The following COL24A1 variants were observed in gnomAD, a reference collection of about 807,000 sequenced individuals.
COL24A1 encodes collagen alpha-1(XXIV) chain.
Under a neutral mutation model 253.9 loss-of-function variants are expected in COL24A1, and 224 were observed. The observed-to-expected ratio is 0.88, with a 90% CI of 0.79 to 0.99. The LOEUF is 0.99. COL24A1 is among the 50% of genes least tolerant of loss of function. The probability of loss-of-function intolerance (pLI) is 0.00; values close to 1 mark genes in which losing one functional copy is unlikely to be tolerated. For synonymous variants in COL24A1, 685 were observed against 673.7 expected (o/e 1.02, Z -0.26); for missense variants, 2,131 against 2,068.5 (o/e 1.03, Z -0.59).
intron 5 of COL24A1, among the ~76,000 whole-genome samples, chr1:86,107,699 T>G (rs1329994244): frequency 1.3e-5 from 2 of 151,934 alleles, no homozygotes; most frequent in Non-Finnish European, 2.9e-5. Flanking sequence ...CACGCCCGGC[T>G]AATTTTTTTG....
rs1396036584 is a variant in COL24A1, at chr1:86,125,307, A to G, written c.1029T>C (p.Thr343=). ...QAKEMITEED[T]QTNFSLSVTT... ...TCACTGACAGGCTGAAATTTGTCTG[A>G]GTATCTTCCTCAGTGATCATTTCTT... The change falls in exon 3 of 60, where the codon ACT becomes ACC. Residue 343 remains threonine, a synonymous_variant. Transcript: ENST00000370571. The G allele has an allele frequency of 6.2e-7, 1 of 1,613,652 alleles. No homozygotes were observed. The highest frequency in any genetic ancestry group is 1.1e-5 in the South Asian group (1 of 91,080).
chr1:85,975,086 C>T (rs145197953), intron 20 of COL24A1, among the ~76,000 whole-genome samples: 1 of 152,144 alleles, frequency 6.6e-6, no homozygotes, highest in East Asian at 1.9e-4. Context: ...GATATCATCT[C>T]ATTAGAATGA....
intron 24 of COL24A1, among the ~76,000 whole-genome samples, chr1:85,936,752 A>C (rs1263812038): frequency 6.8e-6 from 1 of 147,002 alleles, no homozygotes; most frequent in African/African-American, 2.5e-5. Context: ...AAGTTATGCA[A>C]AGCCTATGTT....
intron 14 of COL24A1, among the ~76,000 whole-genome samples, chr1:86,027,202 G>T (rs1698112754): frequency 1.3e-5 from 2 of 152,150 alleles, no homozygotes; most frequent in African/African-American, 4.8e-5. Context: ...GCATGAGAAT[G>T]CAATAGAAAA....
chr1:85,866,188 G>T (rs529450451), intron 37 of COL24A1, among the ~76,000 whole-genome samples: 1 of 152,090 alleles, frequency 6.6e-6, no homozygotes, highest in Non-Finnish European at 1.5e-5. Context: ...ACTTGAACCC[G>T]GGAGGCAGAG....
intron 14 of COL24A1, among the ~76,000 whole-genome samples, chr1:86,026,288 A>G (rs1698015408): frequency 6.6e-6 from 1 of 152,202 alleles, no homozygotes; most frequent in Non-Finnish European, 1.5e-5. Flanking sequence ...AGAGATGAGG[A>G]CTACAAAGAT....
intron 35 of COL24A1, among the ~76,000 whole-genome samples, chr1:85,873,289 A>G: frequency 6.6e-6 from 1 of 151,952 alleles, no homozygotes; most frequent in Non-Finnish European, 1.5e-5. Context: ...GCGATTCCTC[A>G]AGGATCTAGA....
rs193191874 is a variant in COL24A1, at chr1:85,871,904, A to G, written c.3138+2745T>C. 5.9e-3 allele frequency among the ~76,000 whole-genome samples: 894 copies of G among 152,310 alleles called. 8 individuals carry two copies. Among genetic ancestry groups the G allele is most frequent in the African/African-American group, 0.021 (854 of 41,556 alleles). On this transcript the variant is annotated intron_variant, in intron 35 of 59. Coordinates refer to ENST00000370571, the MANE Select transcript of COL24A1 (RefSeq NM_152890.7). ...ATTCAATTAGGAAAAGAGGAAGTCA[A>G]ATTGTCCCTGTTTGCAGATGACATG...
At chr1:86,027,901 C>A (rs963254795) in intron 14 of COL24A1, among the ~76,000 whole-genome samples, 15 of 152,128 alleles carry the variant, frequency 9.9e-5, no homozygotes, top group African/African-American at 3.4e-4. Flanking sequence ...GTGGTGCTGC[C>A]CAAGGCTGTG....
intron 24 of COL24A1, 63 bp downstream of exon 24, chr1:85,961,186 G>A: frequency 8.5e-7 from 1 of 1,177,556 alleles, no homozygotes; most frequent in Non-Finnish European, 1.3e-6. Flanking sequence ...CGTAATCATG[G>A]CTAATATGAT....
intron 1 of COL24A1, chr1:86,153,931 A>G (rs1439235095): frequency 1.3e-5 from 2 of 152,120 alleles, no homozygotes; most frequent in Non-Finnish European, 2.9e-5. Flanking sequence ...CATATAAAAG[A>G]CCCCACAAAA....
rs144480913 is a variant in COL24A1, at chr1:85,881,390, G to A, written c.2977-4215C>T. ...TGTGGAAATATTGGGAGGCCGAGGC[G>A]GGCCGATCACGAGGTCAGGAGTTTG... is the stretch of plus-strand genomic sequence containing the variant. On this transcript the variant is annotated intron_variant, in intron 32 of 59. Transcript: ENST00000370571. 3.3e-3 allele frequency among the ~76,000 whole-genome samples: 495 copies of A among 152,058 alleles called. 2 individuals are homozygous for A. Among genetic ancestry groups the A allele is most frequent in the African/African-American group, 0.01 (415 of 41,444 alleles).
chr1:85,811,711 A>G (rs549687284), intron 47 of COL24A1, among the ~76,000 whole-genome samples: 11 of 152,270 alleles, frequency 7.2e-5, no homozygotes, highest in African/African-American at 2.6e-4. Context: ...AATGGTAGTG[A>G]TGTTATATAT....
chr1:85,874,444 T>A (rs957332826), intron 35 of COL24A1, among the ~76,000 whole-genome samples: 1 of 152,176 alleles, frequency 6.6e-6, no homozygotes, highest in African/African-American at 2.4e-5. Flanking sequence ...AAAGGACATA[T>A]GAGGTTAAGA....
chr1:86,012,469 A>G (rs551876476), intron 19 of COL24A1, among the ~76,000 whole-genome samples: 1 of 152,220 alleles, frequency 6.6e-6, no homozygotes, highest in East Asian at 1.9e-4. Context: ...TGCGCCTGTA[A>G]TCCCAGCTAC....
intron 13 of COL24A1, among the ~76,000 whole-genome samples, chr1:86,032,974 C>G (rs1698699377): frequency 6.6e-6 from 1 of 152,026 alleles, no homozygotes; most frequent in Non-Finnish European, 1.5e-5. Context: ...AAATGGGAAG[C>G]TCCTCAGAAT....
At chr1:86,113,575 T>C (rs1705822046) in intron 4 of COL24A1, among the ~76,000 whole-genome samples, 1 of 152,080 alleles carries the variant, frequency 6.6e-6, no homozygotes, top group East Asian at 1.9e-4. Flanking sequence ...GGCTTACACC[T>C]GTAATTCTAG....
chr1:85,912,747 G>C (rs1365860005), intron 24 of COL24A1, among the ~76,000 whole-genome samples: 3 of 152,202 alleles, frequency 2.0e-5, no homozygotes, highest in Admixed American at 2.0e-4. Flanking sequence ...AGGTTAAATG[G>C]TATGGATGAG....
At chr1:86,154,692 T>G (rs72716202) in intron 1 of COL24A1, 12,777 of 152,740 alleles carry the variant, frequency 0.084, 622 homozygotes, top group East Asian at 0.22. Flanking sequence ...GCAGATCTGC[T>G]TTAACTCCGG....
Sources: gnomAD v4.1 joint callset for allele counts (sites outside exome capture counted in the v4.1 genomes callset) on GRCh38, gnomAD v4.1.1 for gene constraint, MANE v1.5 for transcripts, NCBI Gene and HGNC (gene_info 2026-07-23, HGNC 2026-07-21) for gene names.